Variants in HAS2 observed in about 807,000 individuals in gnomAD.
HAS2 encodes HA synthase 2.
HAS2 carries 16 observed loss-of-function variants against 51.6 expected under a neutral mutation model. The ratio of observed to expected loss-of-function variants is 0.31; its 90% CI spans 0.21 to 0.47. The LOEUF (loss-of-function observed/expected upper bound fraction) is 0.47, where lower values mean the gene tolerates loss of function less well. Ranked by LOEUF, HAS2 falls within the 20% of genes least tolerant of loss-of-function variation. The probability of loss-of-function intolerance (pLI) is 1.00; values close to 1 mark genes in which losing one functional copy is unlikely to be tolerated. For synonymous variants in HAS2, 228 were observed against 235.5 expected (o/e 0.97, Z 0.29); for missense variants, 361 against 662.6 (o/e 0.54, Z 5.00).
intron 2 of HAS2, among the ~76,000 whole-genome samples, chr8:121,619,024 G>A (rs764202311): frequency 1.6e-4 from 25 of 152,018 alleles, no homozygotes; most frequent in Non-Finnish European, 3.1e-4. Flanking sequence ...TAAAGGAGAC[G>A]TTAGATACAT....
intron 1 of HAS2, among the ~76,000 whole-genome samples, chr8:121,636,991 T>A (rs1261473885): frequency 6.6e-6 from 1 of 152,196 alleles, no homozygotes; most frequent in Non-Finnish European, 1.5e-5. Flanking sequence ...TCACTTTGAG[T>A]GAATTGCTTA....
rs866687514 is a variant in HAS2, at chr8:121,641,258, T to C, written c.-406A>G. ...AAAAAAAAAAAAAAAAAAAAAAGCC[T>C]GTGGAAGACTCAGCAGAACCCAGGA... On this transcript the variant is annotated 5_prime_UTR_variant, in exon 1 of 4. Transcript: ENST00000303924. The C allele has an allele frequency of 8.6e-6, 1 of 116,902 alleles. No homozygotes were observed. Among genetic ancestry groups the C allele is most frequent in the East Asian group, 3.0e-4 (1 of 3,296 alleles). 7.2% of individuals were successfully genotyped at this position (116,902 alleles called of 1,614,324 possible).
chr8:121,638,634 T>C (rs1215822382), intron 1 of HAS2, among the ~76,000 whole-genome samples: 1 of 152,138 alleles, frequency 6.6e-6, no homozygotes, highest in East Asian at 1.9e-4. Flanking sequence ...CAAAACATAA[T>C]ATATAAACGC....
At chr8:121,617,525 T>G (rs1344594775) in intron 2 of HAS2, among the ~76,000 whole-genome samples, 1 of 151,894 alleles carries the variant, frequency 6.6e-6, no homozygotes, top group Non-Finnish European at 1.5e-5. Flanking sequence ...AAGTCTCACA[T>G]CCCAGGTAAC....
chr8:121,620,746 C>G (rs1050608938), intron 2 of HAS2, among the ~76,000 whole-genome samples: 1 of 152,110 alleles, frequency 6.6e-6, no homozygotes, highest in Admixed American at 6.5e-5. Context: ...CCATTTCCCC[C>G]CTATCTAAAA....
chr8:121,617,645 A>G (rs767825596), intron 2 of HAS2, among the ~76,000 whole-genome samples: 2 of 152,104 alleles, frequency 1.3e-5, no homozygotes, highest in Admixed American at 6.5e-5. Flanking sequence ...TTTGTCTTTC[A>G]GGTCTGAATG....
chr8:121,637,476 C>T (rs2130454392), intron 1 of HAS2, among the ~76,000 whole-genome samples: 1 of 151,482 alleles, frequency 6.6e-6, no homozygotes, highest in Non-Finnish European at 1.5e-5. Flanking sequence ...CTACAACCTC[C>T]ACCTCCCGAG....
chr8:121,615,537 C>T (rs1812688618), intron 3 of HAS2, among the ~76,000 whole-genome samples: 1 of 152,066 alleles, frequency 6.6e-6, no homozygotes. Flanking sequence ...TTTGGCCAGG[C>T]TGGTCTTGCT....
At chr8:121,625,426 T>A (rs903094323) in intron 2 of HAS2, among the ~76,000 whole-genome samples, 1 of 151,962 alleles carries the variant, frequency 6.6e-6, no homozygotes, top group Non-Finnish European at 1.5e-5. Flanking sequence ...TCAGAATCTA[T>A]CCATTTTTAA....
At position 121,641,404 on chromosome 8, in the gene HAS2, T is replaced by C. The variant is rs981562805; in HGVS notation, c.-552A>G. ...CGTCTTGACTTCTCCTTCCCCGCCG[T>C]TGTTGCCCTTCTGCCTCCTCCAACT... On this transcript the variant is annotated 5_prime_UTR_variant, in exon 1 of 4. Coordinates refer to ENST00000303924, the MANE Select transcript of HAS2 (RefSeq NM_005328.3). 6.6e-6 allele frequency: 1 copy of C among 151,954 alleles called. No individual in the cohort carries two copies. The highest frequency in any genetic ancestry group is 2.4e-5 in the African/African-American group (1 of 41,280). The allele number at this position is 151,954 out of a possible 1,614,324, so 9.4% of individuals were successfully genotyped here.
At chr8:121,627,780 G>A (rs531990515) in intron 2 of HAS2, among the ~76,000 whole-genome samples, 81 of 152,158 alleles carry the variant, frequency 5.3e-4, no homozygotes, top group African/African-American at 1.9e-3. Context: ...CTAAAGAATA[G>A]GATGCATCTT....
In HAS2 at chr8:121,636,992, G is replaced by C. The variant is rs1441107438; in HGVS notation, c.-1+3861C>G. 2.0e-5 allele frequency among the ~76,000 whole-genome samples: 3 copies of C among 152,164 alleles called. No homozygotes were observed. In the East Asian group the frequency reaches 5.8e-4, roughly 29 times the overall value. ...CACCCCTTATTAATTCACTTTGAGT[G>C]AATTGCTTAACTTTTCTGAGGCAAA... On this transcript the variant is annotated intron_variant, in intron 1 of 3. Transcript: ENST00000303924.
rs566175708 is a variant in HAS2 at position 121,637,579 on chromosome 8, C to T, written c.-1+3274G>A. On this transcript the variant is annotated intron_variant, in intron 1 of 3. Coordinates refer to ENST00000303924, the MANE Select transcript of HAS2 (RefSeq NM_005328.3). ...CTAATTTTTGTATTTTTAGTAGAGA[C>T]AGGGTTTCACCATTTTGGCCAGGCT... 3.3e-5 allele frequency among the ~76,000 whole-genome samples: 5 copies of T among 152,010 alleles called. No homozygotes were observed. In the South Asian group the frequency reaches 6.2e-4, roughly 19 times the overall value.
At chr8:121,637,279 T>C (rs1813022870) in intron 1 of HAS2, among the ~76,000 whole-genome samples, 1 of 152,188 alleles carries the variant, frequency 6.6e-6, no homozygotes, top group Non-Finnish European at 1.5e-5. Flanking sequence ...TAAGAAAATA[T>C]TTAACAGTGT....
chr8:121,617,063 T>C (rs370595166), intron 3 of HAS2, 42 bp downstream of exon 3: 2 of 1,058,012 alleles, frequency 1.9e-6, no homozygotes, highest in African/African-American at 3.1e-5. Context: ...CTCTTAAAAG[T>C]ATTTCATGCA....
chr8:121,621,416 T>C (rs1426351659), intron 2 of HAS2, among the ~76,000 whole-genome samples: 1 of 152,224 alleles, frequency 6.6e-6, no homozygotes, highest in South Asian at 2.1e-4. Flanking sequence ...CCATTTGCCA[T>C]CATCATGGGA....
chr8:121,614,676 G>T lies in HAS2; in HGVS notation c.1092C>A (p.Tyr364Ter). 6.2e-7 allele frequency: 1 copy of T among 1,614,126 alleles called. No individual in the cohort carries two copies. ...GATGTTTGTGAAACCACATTGCATT[G>T]TACAGCCATTCTCGGAAGTAGGACT... is the stretch of plus-strand genomic sequence containing the variant. ...WSKSYFREWLYNAMWFHKHHL... is the reference protein window; with the variant it reads ...WSKSYFREWL The change falls in exon 4 of 4, where the codon TAC (tyrosine) becomes TAA (stop). Residue 364 changes from tyrosine to a stop codon, truncating the protein, a stop_gained. Coordinates refer to ENST00000303924, the MANE Select transcript of HAS2 (RefSeq NM_005328.3). LOFTEE classifies it high-confidence loss of function. The surrounding 1 kb of genome is among the most constrained non-coding windows in gnomAD (Gnocchi z 7.2).
rs1473801328 is a variant in HAS2 at position 121,628,947 on chromosome 8, C to A, written c.394G>T (p.Asp132Tyr). The part of the protein sequence containing the change: ...GNSEDDLYMM[D>Y]IFSEVMGRDK... ...CTGCCCATGACTTCACTGAAGATGT[C>A]CATCATGTAAAGGTCATCTTCTGAG... Residue 132 changes from aspartate (D) to tyrosine (Y), a missense_variant, in exon 2 of 4, where the codon GAC becomes TAC. Transcript: ENST00000303924. The A allele has an allele frequency of 6.2e-7, 1 of 1,614,082 alleles. No individual in the cohort carries two copies. The highest frequency in any genetic ancestry group is 1.1e-5 in the South Asian group (1 of 91,072).
intron 3 of HAS2, among the ~76,000 whole-genome samples, chr8:121,615,631 AT>A (rs112171817): frequency 0.1 from 15,421 of 147,276 alleles, 1,021 homozygotes; most frequent in African/African-American, 0.17. Context: ...CCAAATTGAG[AT>A]TTTTTTTTTT....
Sources: allele counts gnomAD v4.1 joint callset (sites outside exome capture counted in the v4.1 genomes callset), GRCh38; gene constraint gnomAD v4.1.1; non-coding constraint Gnocchi (gnomAD v3.1); transcripts MANE v1.5; gene names NCBI Gene and HGNC (gene_info 2026-07-23, HGNC 2026-07-21).